Variants in CR2 observed in about 807,000 individuals in gnomAD.
CR2 encodes complement receptor type 2.
Under a neutral mutation model 123.0 loss-of-function variants are expected in CR2, and 96 were observed. That is an observed-to-expected ratio of 0.78 (90% confidence interval 0.66 to 0.93). CR2 has a LOEUF of 0.93. Ranked by LOEUF, CR2 falls within the 40% of genes least tolerant of loss-of-function variation. The probability of loss-of-function intolerance (pLI) is 0.00; values close to 1 mark genes in which losing one functional copy is unlikely to be tolerated. For missense variants in CR2, 1,258 were observed against 1,361.0 expected (o/e 0.92, Z 1.19); for synonymous variants, 484 against 469.5 (o/e 1.03, Z -0.40).
intron 1 of CR2, among the ~76,000 whole-genome samples, chr1:207,458,648 C>T (rs1404873474): frequency 6.6e-6 from 1 of 152,190 alleles, no homozygotes; most frequent in Non-Finnish European, 1.5e-5. Flanking sequence ...CCTTCTTGTC[C>T]TTCAGTCACA....
At position 207,471,506 on chromosome 1, in the gene CR2, A is replaced by G. The variant is rs1389994510; in HGVS notation, c.1570+7A>G. On this transcript the variant is annotated splice_region_variant and intron_variant, in intron 9 of 19. Transcript: ENST00000367057. ...GAGATTCGTCTTTGTAAAGGTGAGT[A>G]GCAAAAATGATATAGGAGCTGAAAT... The G allele has an allele frequency of 2.5e-6, 4 of 1,589,756 alleles. No individual in the cohort carries two copies. In the Admixed American group the frequency reaches 5.0e-5, roughly 20 times the overall value.
At chr1:207,487,583 A>G (rs1658784822) in intron 19 of CR2, among the ~76,000 whole-genome samples, 1 of 152,234 alleles carries the variant, frequency 6.6e-6, no homozygotes, top group Non-Finnish European at 1.5e-5. Flanking sequence ...TTTTTTCTAT[A>G]AAAAGGAGCA....
chr1:207,488,783 G>A (rs940862042), intron 19 of CR2, among the ~76,000 whole-genome samples: 7 of 152,174 alleles, frequency 4.6e-5, no homozygotes, highest in Non-Finnish European at 1.0e-4. Flanking sequence ...CCTGCTGCTG[G>A]TGAGTCCTGA....
At position 207,485,521 on chromosome 1, in the gene CR2, A is replaced by C. The variant is rs970596194; in HGVS notation, c.3246A>C (p.Val1082=). The C allele has an allele frequency of 6.2e-7, 1 of 1,613,262 alleles. No individual in the cohort carries two copies. Among genetic ancestry groups the C allele is most frequent in the Non-Finnish European group, 8.5e-7 (1 of 1,179,358 alleles). Residue 1082 remains valine, a synonymous_variant, in exon 19 of 20, where the codon GTA becomes GTC. Coordinates refer to ENST00000367057, the MANE Select transcript of CR2 (RefSeq NM_001006658.3). ...KEAFHLEARE[V]YSVDPYNPAS The stretch of plus-strand genomic sequence containing the variant: ...CTTTTCATTTAGAAGCACGAGAAGT[A>C]TATTCTGTTGATCCATACAACCCAG...
At chr1:207,477,022 G>C (rs1372739627) in intron 15 of CR2, among the ~76,000 whole-genome samples, 2 of 152,210 alleles carry the variant, frequency 1.3e-5, no homozygotes, top group East Asian at 3.8e-4. Flanking sequence ...GGTTTCAGTA[G>C]CATGGAGAGA....
intron 6 of CR2, 116 bp from the exon 7 acceptor site, chr1:207,470,624 A>G (rs1418410686): frequency 1.0e-6 from 1 of 970,734 alleles, no homozygotes; most frequent in African/African-American, 1.6e-5. Flanking sequence ...TATGTTCTGT[A>G]TCATACAGCT....
chr1:207,464,190 T>C (rs756996067), intron 1 of CR2, among the ~76,000 whole-genome samples: 2 of 152,208 alleles, frequency 1.3e-5, no homozygotes, highest in African/African-American at 2.4e-5. Context: ...TCATAGCTTT[T>C]CGGTTTTTAT....
rs2102306387 is a variant in CR2 at position 207,473,546 on chromosome 1, C to T, written c.1980C>T (p.Gly660=). 1 of 1,613,438 alleles carries T rather than the reference C, an allele frequency of 6.2e-7. No individual in the cohort carries two copies. Among genetic ancestry groups the T allele is most frequent in the Middle Eastern group, 1.7e-4 (1 of 6,052 alleles). The part of the protein sequence containing the change: ...WDPEIPVCEK[G]CQSPPGLHHG... ...TATGTAGGGAGTTTTTCTCTTCAGG[C>T]TGCCAGTCACCTCCTGGGCTCCACC... Residue 660 remains glycine, a splice_region_variant and synonymous_variant, in exon 11 of 20, where the codon GGC becomes GGT. Coordinates refer to ENST00000367057, the MANE Select transcript of CR2 (RefSeq NM_001006658.3).
rs759285664 is a variant in CR2 at position 207,468,588 on chromosome 1, T to A, written c.507T>A (p.Asn169Lys). The A allele has an allele frequency of 1.2e-5, 20 of 1,613,978 alleles. No homozygotes were observed. Among genetic ancestry groups the A allele is most frequent in the Non-Finnish European group, 1.7e-5 (20 of 1,179,978 alleles). Residue 169 changes from asparagine (N) to lysine (K), a missense_variant, in exon 3 of 20, where the codon AAT becomes AAA. By Grantham distance (94) the Asn-to-Lys change is moderately conservative. Coordinates refer to ENST00000367057, the MANE Select transcript of CR2 (RefSeq NM_001006658.3). ...MIHNGHHTSENVGSIAPGLSV... is the reference protein window; with the variant it reads ...MIHNGHHTSEKVGSIAPGLSV... ...ACAATGGACATCACACAAGTGAGAA[T>A]GTTGGCTCCATTGCTCCAGGATTGT...
intron 18 of CR2, among the ~76,000 whole-genome samples, chr1:207,480,818 A>G (rs1008073946): frequency 2.0e-5 from 3 of 152,098 alleles, no homozygotes; most frequent in Non-Finnish European, 4.4e-5. Context: ...TTATGTTATT[A>G]TATCTGGTAG....
Position 207,474,345 on chromosome 1 carries a change from C to T in CR2, c.2323+22C>T, listed in dbSNP as rs762106436. 3.9e-6 allele frequency: 6 copies of T among 1,541,970 alleles called. No homozygotes were observed. In the African/African-American group the frequency reaches 8.2e-5, roughly 21 times the overall value. ...AAAGGTAAGTTAGAAAAAATAAAAG[C>T]CTGACAATGGTAATGGAGGATTAGA... On this transcript the variant is annotated intron_variant, in intron 13 of 19. Transcript: ENST00000367057.
At chr1:207,461,160 A>T (rs1449369281) in intron 1 of CR2, among the ~76,000 whole-genome samples, 6 of 152,110 alleles carry the variant, frequency 3.9e-5, no homozygotes, top group Non-Finnish European at 8.8e-5. Flanking sequence ...GCTGGGAAAA[A>T]TATTAATATC....
At chr1:207,471,985 C>T in intron 9 of CR2, 1 of 216,926 alleles carries the variant, frequency 4.6e-6, no homozygotes, top group Non-Finnish European at 9.3e-6. Flanking sequence ...CACAGTGGCT[C>T]ACGCCTATAA....
rs1307691039 is a variant in CR2, at chr1:207,471,011, G to A, written c.1417G>A (p.Ala473Thr). 6.2e-7 allele frequency: 1 copy of A among 1,613,866 alleles called. No individual in the cohort carries two copies. The highest frequency in any genetic ancestry group is 1.7e-4 in the Middle Eastern group (1 of 6,052). Reference sequence around the variant, plus strand: ...TCTTTTCTTAGTGGCAGCGTGTGAAGCTACAGGAAGGCAACTCTTGACAAA... The same window carrying A: ...TCTTTTCTTAGTGGCAGCGTGTGAAACTACAGGAAGGCAACTCTTGACAAA... ...VPQCKVAACE[A>T]TGRQLLTKPQ... The change falls in exon 8 of 20, where the codon GCT (alanine) becomes ACT (threonine). Residue 473 changes from alanine (A) to threonine (T), a missense_variant. By Grantham distance (58) the Ala-to-Thr change is moderately conservative. Transcript: ENST00000367057.
rs141282665 is a variant in CR2, at chr1:207,474,945, A to G, written c.2445A>G (p.Gly815=). Residue 815 remains glycine, a synonymous_variant, in exon 14 of 20, where the codon GGA becomes GGG. Coordinates refer to ENST00000367057, the MANE Select transcript of CR2 (RefSeq NM_001006658.3). ...YECDQGFYLL[G]EKKLQCRSDS... ...GTGACCAAGGATTCTATCTCCTGGG[A>G]GAGAAAAAATTGCAGTGCAGAAGTG... is the stretch of plus-strand genomic sequence containing the variant. 853 of 1,614,106 alleles carry G rather than the reference A, an allele frequency of 5.3e-4. 4 individuals are homozygous for G. Among genetic ancestry groups the G allele is most frequent in the South Asian group, 3.6e-3 (332 of 91,086 alleles).
Position 207,466,582 on chromosome 1 carries a change from A to C in CR2, c.115A>C (p.Thr39Pro), listed in dbSNP as rs1558189039. 1.2e-6 allele frequency: 2 copies of C among 1,613,678 alleles called. No homozygotes were observed. The highest frequency in any genetic ancestry group is 1.7e-4 in the Middle Eastern group (1 of 6,060). ...ILNGRISYYSTPIAVGTVIRY... is the reference protein window; with the variant it reads ...ILNGRISYYSPPIAVGTVIRY... ...AAATGGCCGGATTAGTTATTATTCT[A>C]CCCCCATTGCTGTTGGTACCGTGAT... Residue 39 changes from threonine to proline, a missense_variant, in exon 2 of 20, where the codon ACC (threonine) becomes CCC (proline). Transcript: ENST00000367057.
At chr1:207,488,170 A>T (rs1015646312) in intron 19 of CR2, among the ~76,000 whole-genome samples, 81 of 152,338 alleles carry the variant, frequency 5.3e-4, no homozygotes, top group African/African-American at 1.8e-3. Flanking sequence ...TTACTTAGCC[A>T]TCAGTACCAC....
In CR2 at chr1:207,473,652, C is replaced by G. The variant is rs139928902; in HGVS notation, c.2086C>G (p.Leu696Val). The change falls in exon 11 of 20, where the codon CTT becomes GTT. Residue 696 changes from leucine (L) to valine (V), a missense_variant. Coordinates refer to ENST00000367057, the MANE Select transcript of CR2 (RefSeq NM_001006658.3). ...CTACACTTGTGACCCTGGCTATTTGCTTGTGGGAAACAAATCCATTCACTG... is the reference window on the plus strand; with the variant it reads ...CTACACTTGTGACCCTGGCTATTTGGTTGTGGGAAACAAATCCATTCACTG... ...VDYTCDPGYL[L>V]VGNKSIHCMP... 42 of 1,613,894 alleles carry G rather than the reference C, an allele frequency of 2.6e-5. No individual in the cohort carries two copies. The highest frequency in any genetic ancestry group is 3.5e-5 in the Non-Finnish European group (41 of 1,179,916).
At chr1:207,479,786 G>A (rs1658553316) in intron 17 of CR2, among the ~76,000 whole-genome samples, 192 bp from the exon 18 acceptor site, 1 of 152,142 alleles carries the variant, frequency 6.6e-6, no homozygotes, top group African/African-American at 2.4e-5. Flanking sequence ...TAGATTAAAG[G>A]TGGACTGGAT....
Sources: gnomAD v4.1 joint callset for allele counts (sites outside exome capture counted in the v4.1 genomes callset) on GRCh38, gnomAD v4.1.1 for gene constraint, MANE v1.5 for transcripts, NCBI Gene and HGNC (gene_info 2026-07-23, HGNC 2026-07-21) for gene names.